The following KHDRBS1 variants were observed in gnomAD, a reference collection of about 807,000 sequenced individuals.
KHDRBS1 encodes the protein KH RNA binding domain containing, signal transduction associated 1, also known as KH domain-containing, RNA-binding, signal transduction-associated protein 1.
A neutral mutation model predicts 48.4 loss-of-function variants in KHDRBS1; 7 were observed. The observed-to-expected ratio is 0.14, with a 90% CI of 0.08 to 0.27. The LOEUF is 0.27. Ranked by LOEUF, KHDRBS1 falls within the 10% of genes least tolerant of loss-of-function variation. KHDRBS1 has a pLI of 1.00. For synonymous variants in KHDRBS1, 241 were observed against 235.8 expected (o/e 1.02, Z -0.20); for missense variants, 458 against 601.2 (o/e 0.76, Z 2.49).
chr1:32,025,916 AAT>A (rs201144900), intron 1 of KHDRBS1, among the ~76,000 whole-genome samples: 15 of 145,910 alleles, frequency 1.0e-4, no homozygotes, highest in East Asian at 2.0e-4. Context: ...AGCTAATTTA[AAT>A]ATATATATAT....
intron 10 of KHDRBS1, among the ~76,000 whole-genome samples, chr1:32,054,778 AT>A (rs35009101): frequency 2.0e-5 from 3 of 151,704 alleles, no homozygotes; most frequent in African/African-American, 2.4e-5. Context: ...TTTTTCTGCA[AT>A]TTTTTTTTAA....
rs544169568 is a variant in KHDRBS1 at position 32,054,708 on chromosome 1, C to G, written n.1302-5455C>G. Among the ~76,000 whole-genome samples, 326 of 152,252 alleles carry G rather than the reference C, an allele frequency of 2.1e-3. 1 individual carries two copies. Among genetic ancestry groups the G allele is most frequent in the Non-Finnish European group, 3.9e-3 (268 of 68,030 alleles). On this transcript the variant is annotated intron_variant and non_coding_transcript_variant, in intron 10 of 10. Transcript: ENST00000484270. Reference sequence around the variant, plus strand: ...CAGCAAGCTTGTCCAGCCTATGGCCCGGGACGGCTTTGAATGTAGCCTAAC... The same window carrying G: ...CAGCAAGCTTGTCCAGCCTATGGCCGGGGACGGCTTTGAATGTAGCCTAAC...
chr1:32,014,720 C>T (rs1638701452), intron 1 of KHDRBS1, among the ~76,000 whole-genome samples: 1 of 152,220 alleles, frequency 6.6e-6, no homozygotes, highest in African/African-American at 2.4e-5. Flanking sequence ...CCTTCATTTC[C>T]CCCTTTCCCT....
chr1:32,017,844 T>C (rs1215743735), intron 1 of KHDRBS1, among the ~76,000 whole-genome samples: 1 of 151,890 alleles, frequency 6.6e-6, no homozygotes, highest in African/African-American at 2.4e-5. Context: ...CGACCTCAGG[T>C]GATCCGCCTG....
chr1:32,048,568 C>T (rs1165001219), downstream of KHDRBS1, among the ~76,000 whole-genome samples: 3 of 152,198 alleles, frequency 2.0e-5, no homozygotes, highest in African/African-American at 7.2e-5. Flanking sequence ...TACCAGTTTG[C>T]AGCCTGTGGT....
intron 1 of KHDRBS1, among the ~76,000 whole-genome samples, chr1:32,022,260 A>C (rs1409146691): frequency 6.6e-6 from 1 of 152,106 alleles, no homozygotes; most frequent in Non-Finnish European, 1.5e-5. Context: ...GGCCTCCCAA[A>C]GTGCTGGGAT....
At chr1:32,059,969 A>G (rs1639526195) in intron 10 of KHDRBS1, among the ~76,000 whole-genome samples, 1 of 152,162 alleles carries the variant, frequency 6.6e-6, no homozygotes. Flanking sequence ...GACAGACAGT[A>G]AAAAGAGAAT....
In KHDRBS1 at chr1:32,042,710, CAA is replaced by C; in HGVS notation, c.*87_*88del. 1 of 807,776 alleles carries C rather than the reference CAA, an allele frequency of 1.2e-6. No homozygotes were observed. The highest frequency in any genetic ancestry group is 2.1e-6 in the Non-Finnish European group (1 of 478,554). 50.0% of individuals were successfully genotyped at this position (807,776 alleles called of 1,614,324 possible). ...CCCAGGATTCCTGTTGCTTTACCCA[CAA>C]CAGACAAGTAATTGTCTAAGTGTTT... On this transcript the variant is annotated 3_prime_UTR_variant, in exon 9 of 9. Transcript: ENST00000327300.
chr1:32,026,667 CTT>C (rs1395640539), intron 1 of KHDRBS1, among the ~76,000 whole-genome samples: 2 of 152,172 alleles, frequency 1.3e-5, no homozygotes, highest in African/African-American at 2.4e-5. Context: ...GATGAACAGA[CTT>C]TGAATCGTCT....
At chr1:32,029,978 TTTTG>T (rs1392312575) in intron 1 of KHDRBS1, among the ~76,000 whole-genome samples, 2 of 152,214 alleles carry the variant, frequency 1.3e-5, no homozygotes, top group African/African-American at 4.8e-5. Context: ...ATTTTGATTT[TTTTG>T]TTTGTTTCTT....
chr1:32,036,816 G>C, intron 4 of KHDRBS1, 94 bp from the exon 5 acceptor site: 1 of 1,369,078 alleles, frequency 7.3e-7, no homozygotes, highest in Non-Finnish European at 9.9e-7. Context: ...GCTCTCAAGA[G>C]CTCTTCTTAG....
downstream of KHDRBS1, among the ~76,000 whole-genome samples, chr1:32,045,778 C>T (rs972406976): frequency 6.6e-6 from 1 of 152,216 alleles, no homozygotes; most frequent in African/African-American, 2.4e-5. Context: ...GTAGTGGCTG[C>T]AGGGAACTGG....
intron 10 of KHDRBS1, among the ~76,000 whole-genome samples, chr1:32,057,931 A>T (rs1639498956): frequency 6.6e-6 from 1 of 151,562 alleles, no homozygotes; most frequent in Non-Finnish European, 1.5e-5. Context: ...AGCCTGGCCA[A>T]CATGGTGAAA....
At chr1:32,038,335 G>A (rs1639222979) in intron 6 of KHDRBS1, among the ~76,000 whole-genome samples, 1 of 152,030 alleles carries the variant, frequency 6.6e-6, no homozygotes, top group Admixed American at 6.6e-5. Context: ...TTTACTTCCT[G>A]CCCACACTTC....
chr1:32,041,583 CTT>C lies in KHDRBS1; in HGVS notation c.1235-921_1235-920del, dbSNP rs370173805. 5.1e-3 allele frequency among the ~76,000 whole-genome samples: 384 copies of C among 75,558 alleles called. 2 individuals carry two copies. Among genetic ancestry groups the C allele is most frequent in the African/African-American group, 0.017 (366 of 21,402 alleles). 49.6% of individuals were successfully genotyped at this position (75,558 alleles called of 152,430 possible). A position where few individuals can be genotyped will look rare whatever the true frequency, so the allele number is the denominator to read the frequency against. Reference sequence around the variant, plus strand: ...TTAAGAAAGGAGATAAGGAATTATCCTTTTTTTTTTTTTTTTTTTTTTTTGAG... The same window carrying C: ...TTAAGAAAGGAGATAAGGAATTATCCTTTTTTTTTTTTTTTTTTTTTTGAG... On this transcript the variant is annotated intron_variant, in intron 8 of 8. Coordinates refer to ENST00000327300, the MANE Select transcript of KHDRBS1 (RefSeq NM_006559.3).
Position 32,014,174 on chromosome 1 carries a change from C to T in KHDRBS1, c.179C>T (p.Ala60Val). 1 of 1,312,058 alleles carries T rather than the reference C, an allele frequency of 7.6e-7. No homozygotes were observed. The highest frequency in any genetic ancestry group is 9.7e-7 in the Non-Finnish European group (1 of 1,029,322). The allele number at this position is 1,312,058 out of a possible 1,614,324, so 81.3% of individuals were successfully genotyped here. ...GSRGGARASP[A>V]TQPPPLLPPS... ...CGCGGGGGCGCCCGGGCCTCGCCCGCCACGCAGCCGCCACCGCTGCTGCCG... is the reference window on the plus strand; with the variant it reads ...CGCGGGGGCGCCCGGGCCTCGCCCGTCACGCAGCCGCCACCGCTGCTGCCG... Residue 60 changes from alanine (A) to valine (V), a missense_variant, in exon 1 of 9, where the codon GCC becomes GTC. Coordinates refer to ENST00000327300, the MANE Select transcript of KHDRBS1 (RefSeq NM_006559.3).
chr1:32,027,157 C>T (rs1638991825), intron 1 of KHDRBS1, among the ~76,000 whole-genome samples: 1 of 151,946 alleles, frequency 6.6e-6, no homozygotes, highest in Non-Finnish European at 1.5e-5. Context: ...GTCTCGAACT[C>T]CTGACCTCAG....
At position 32,042,409 on chromosome 1, in the gene KHDRBS1, T is replaced by C. The variant is rs1639296671; in HGVS notation, c.1235-118T>C. On this transcript the variant is annotated intron_variant, in intron 8 of 8. Transcript: ENST00000327300. Reference sequence around the variant, plus strand: ...AGAGAGCAAGGAACACCAGGGGAAGTGTCAAGACATTAGAAGAAACTCAGT... The same window carrying C: ...AGAGAGCAAGGAACACCAGGGGAAGCGTCAAGACATTAGAAGAAACTCAGT... The C allele has an allele frequency of 2.0e-5, 13 of 664,900 alleles. No individual in the cohort carries two copies. In the South Asian group the frequency reaches 2.2e-4, roughly 11 times the overall value. 41.2% of individuals were successfully genotyped at this position (664,900 alleles called of 1,614,324 possible).
At chr1:32,025,838 G>A (rs1317352553) in intron 1 of KHDRBS1, among the ~76,000 whole-genome samples, 1 of 148,134 alleles carries the variant, frequency 6.8e-6, no homozygotes, top group Non-Finnish European at 1.5e-5. Flanking sequence ...TTGAACTCTT[G>A]GGCTCAAGCG....
Sources: gnomAD v4.1 joint callset for allele counts (sites outside exome capture counted in the v4.1 genomes callset) on GRCh38, gnomAD v4.1.1 for gene constraint, MANE v1.5 for transcripts, NCBI Gene and HGNC (gene_info 2026-07-23, HGNC 2026-07-21) for gene names.